The following ERG variants were observed in gnomAD, a reference collection of about 807,000 sequenced individuals.
ERG encodes transcriptional regulator ERG.
In ERG, 9 loss-of-function variants were observed where a neutral mutation model predicts 55.3. That is an observed-to-expected ratio of 0.16 (90% CI 0.10 to 0.28). The LOEUF (loss-of-function observed/expected upper bound fraction) is 0.28. Among genes scored for constraint, ERG ranks in the 10% least tolerant of loss-of-function variants. ERG has a pLI of 1.00. For synonymous variants in ERG, 223 were observed against 237.3 expected (o/e 0.94, Z 0.55); for missense variants, 434 against 631.6 (o/e 0.69, Z 3.35).
upstream of ERG, chr21:38,498,565 A>G: frequency 7.8e-7 from 1 of 1,275,648 alleles, no homozygotes; most frequent in East Asian, 3.1e-5. The surrounding 1 kb of genome is among the most constrained non-coding windows in gnomAD (Gnocchi z 4.6). Context: ...AAGAAACAGG[A>G]TATTTGGGAG....
At chr21:38,571,515 A>T (rs1601256055) in intron 2 of ERG, among the ~76,000 whole-genome samples, 1 of 151,852 alleles carries the variant, frequency 6.6e-6, no homozygotes, top group Non-Finnish European at 1.5e-5. Flanking sequence ...TGTCTTAAAA[A>T]AAATAAATAA....
chr21:38,535,629 C>T lies in ERG; in HGVS notation c.-41+40033G>A, dbSNP rs1413606012. Among the ~76,000 whole-genome samples the T allele has an allele frequency of 9.2e-5, 14 of 152,094 alleles. No homozygotes were observed. In the East Asian group the frequency reaches 2.5e-3, roughly 27 times the overall value. ...CTGGGCAGCCTGGAAGACCCAAAGA[C>T]GAATTAGGGAAGTACCCTATATTTA... On this transcript the variant is annotated intron_variant, in intron 2 of 8. Coordinates refer to the ERG transcript ENST00000398897.
At chr21:38,600,412 A>G (rs1226404127) in intron 1 of ERG, among the ~76,000 whole-genome samples, 1 of 152,156 alleles carries the variant, frequency 6.6e-6, no homozygotes, top group Non-Finnish European at 1.5e-5. Context: ...CCCCTGAAGG[A>G]CAAGACTCAG....
intron 2 of ERG, among the ~76,000 whole-genome samples, chr21:38,535,804 C>T (rs16996408): frequency 0.018 from 2,699 of 152,268 alleles, 94 homozygotes; most frequent in African/African-American, 0.061. Flanking sequence ...TAAAAGTTAA[C>T]GTGCTTGATT....
intron 1 of ERG, among the ~76,000 whole-genome samples, chr21:38,623,805 C>A (rs1232488321): frequency 6.6e-6 from 1 of 152,130 alleles, no homozygotes; most frequent in African/African-American, 2.4e-5. Flanking sequence ...TGCCTTTGAC[C>A]CATGGGGAGC....
chr21:38,611,837 GT>G, intron 1 of ERG, among the ~76,000 whole-genome samples: 1 of 152,162 alleles, frequency 6.6e-6, no homozygotes, highest in Non-Finnish European at 1.5e-5. Context: ...ATAGGTGTTT[GT>G]TAATGGAATT....
At chr21:38,429,528 CATGT>C (rs1569092405) in intron 2 of ERG, among the ~76,000 whole-genome samples, 1 of 117,842 alleles carries the variant, frequency 8.5e-6, no homozygotes, top group African/African-American at 3.1e-5. Context: ...CATGTATGCA[CATGT>C]ACATATATAC....
At chr21:38,511,701 G>T (rs1202276312) in intron 2 of ERG, among the ~76,000 whole-genome samples, 1 of 152,174 alleles carries the variant, frequency 6.6e-6, no homozygotes, top group Non-Finnish European at 1.5e-5. Context: ...GTACACTTGT[G>T]ATACAACAGA....
intron 1 of ERG, among the ~76,000 whole-genome samples, chr21:38,630,953 A>G (rs2060352786): frequency 6.6e-6 from 1 of 152,208 alleles, no homozygotes; most frequent in Non-Finnish European, 1.5e-5. Flanking sequence ...AATGAAGAAG[A>G]ACAAAAATGA....
At position 38,651,234 on chromosome 21, in the gene ERG, G is replaced by A. The variant is rs556743268; in HGVS notation, c.-150+10424C>T. ...GCAGATCTAGTACCGAACATGTCAC[G>A]CTGGCATTCAATTTTCTATTGCTAT... is the stretch of plus-strand genomic sequence containing the variant. On this transcript the variant is annotated intron_variant, in intron 1 of 10. Transcript: ENST00000398910. Among the ~76,000 whole-genome samples the A allele has an allele frequency of 3.8e-4, 58 of 152,258 alleles. 2 individuals are homozygous for A. In the South Asian group the frequency reaches 0.011, roughly 30 times the overall value.
At chr21:38,419,285 C>T (rs1031985408) in intron 3 of ERG, among the ~76,000 whole-genome samples, 9 of 152,236 alleles carry the variant, frequency 5.9e-5, no homozygotes, top group African/African-American at 1.9e-4. Context: ...GGTGGCGCTA[C>T]TGGTTGAATG....
intron 1 of ERG, among the ~76,000 whole-genome samples, chr21:38,639,292 AAGCAT>A (rs1288824403): frequency 6.6e-6 from 1 of 152,228 alleles, no homozygotes; most frequent in Non-Finnish European, 1.5e-5. Context: ...AAAAACTTCC[AAGCAT>A]TAGAAATGAT....
At chr21:38,412,040 C>T (rs1247810954) in intron 3 of ERG, among the ~76,000 whole-genome samples, 1 of 152,120 alleles carries the variant, frequency 6.6e-6, no homozygotes, top group Non-Finnish European at 1.5e-5. Flanking sequence ...TCAATTTTCA[C>T]TAGCGTATCT....
intron 7 of ERG, 179 bp downstream of exon 7, chr21:38,392,197 G>A: frequency 1.4e-6 from 1 of 699,294 alleles, no homozygotes; most frequent in Non-Finnish European, 2.6e-6. Context: ...AAGTCCTGAT[G>A]ACCCAAATGG....
intron 2 of ERG, among the ~76,000 whole-genome samples, chr21:38,559,383 C>CTTT (rs574207119): frequency 0.24 from 21,692 of 91,888 alleles, 2,769 homozygotes; most frequent in African/African-American, 0.35. Flanking sequence ...TCCCATTTCC[C>CTTT]TTTTTTTTTT....
intron 4 of ERG, among the ~76,000 whole-genome samples, chr21:38,403,208 G>A (rs578241162): frequency 1.3e-4 from 20 of 152,238 alleles, no homozygotes; most frequent in African/African-American, 4.6e-4. Context: ...ACCAGTTAAC[G>A]CTTCCTTTCC....
At chr21:38,652,683 T>C (rs1240394534) in intron 1 of ERG, among the ~76,000 whole-genome samples, 1 of 152,162 alleles carries the variant, frequency 6.6e-6, no homozygotes, top group African/African-American at 2.4e-5. Context: ...AATGATTCCA[T>C]AAGAAAGAAG....
At chr21:38,449,844 G>A (rs2058924734) in intron 1 of ERG, among the ~76,000 whole-genome samples, 1 of 152,174 alleles carries the variant, frequency 6.6e-6, no homozygotes, top group Non-Finnish European at 1.5e-5. Context: ...GAGTGGTAAA[G>A]TGTTGAAACT....
At chr21:38,597,739 C>T (rs1204944670) in intron 1 of ERG, among the ~76,000 whole-genome samples, 1 of 152,150 alleles carries the variant, frequency 6.6e-6, no homozygotes, top group Non-Finnish European at 1.5e-5. Context: ...TCCTTCCTTC[C>T]TGAAGGGAAC....
Sources: allele counts gnomAD v4.1 joint callset (sites outside exome capture counted in the v4.1 genomes callset), GRCh38; gene constraint gnomAD v4.1.1; non-coding constraint Gnocchi (gnomAD v3.1); transcripts MANE v1.5; gene names NCBI Gene and HGNC (gene_info 2026-07-23, HGNC 2026-07-21).